AQR: variants seen among roughly 807,000 people sequenced by gnomAD.
AQR encodes the protein aquarius intron-binding spliceosomal factor.
In AQR, 61 loss-of-function variants were observed where a neutral mutation model predicts 180.5. The observed-to-expected ratio is 0.34, with a 90% CI of 0.28 to 0.42. The LOEUF is 0.42. AQR is among the 10% of genes least tolerant of loss of function. The pLI, the probability that AQR is intolerant of heterozygous loss-of-function variation, is 1.00. For missense variants in AQR, 1,281 were observed against 1,798.3 expected (o/e 0.71, Z 5.20); for synonymous variants, 551 against 588.8 (o/e 0.94, Z 0.93).
In AQR at chr15:34,963,416, C is replaced by T. The variant is rs370299637; in HGVS notation, c.132+818G>A. On this transcript the variant is annotated intron_variant, in intron 2 of 34. Transcript: ENST00000156471. ...AATTCCCTTATTGAATATTACTGGA[C>T]TTAAGTTATTACACTATACAACTGC... Among the ~76,000 whole-genome samples, 22 of 152,244 alleles carry T rather than the reference C, an allele frequency of 1.4e-4. No homozygotes were observed. In the East Asian group the frequency reaches 3.1e-3, roughly 21 times the overall value.
intron 34 of AQR, among the ~76,000 whole-genome samples, chr15:34,857,909 C>T (rs1286661201): frequency 1.3e-5 from 2 of 152,244 alleles, no homozygotes; most frequent in South Asian, 2.1e-4. Flanking sequence ...TGCCCTTTGC[C>T]CCATGGCAGT....
intron 13 of AQR, 44 bp from the exon 14 acceptor site, chr15:34,920,478 A>T (rs756000292): frequency 2.9e-5 from 41 of 1,415,550 alleles, no homozygotes; most frequent in Non-Finnish European, 3.8e-5. Flanking sequence ...AACTTACTTC[A>T]CTTCACTTTT....
chr15:34,883,047 C>T (rs1892999945), intron 26 of AQR, among the ~76,000 whole-genome samples: 1 of 152,076 alleles, frequency 6.6e-6, no homozygotes, highest in Admixed American at 6.5e-5. Flanking sequence ...TTAGAGACAG[C>T]AGCAGTCACT....
At chr15:34,968,674 CAG>C (rs2050326421) in intron 1 of AQR, among the ~76,000 whole-genome samples, 1 of 152,150 alleles carries the variant, frequency 6.6e-6, no homozygotes, top group Non-Finnish European at 1.5e-5. Context: ...GACAATATAA[CAG>C]ATTACGATAC....
At chr15:34,894,125 C>T (rs1342185968) in intron 22 of AQR, among the ~76,000 whole-genome samples, 1 of 151,642 alleles carries the variant, frequency 6.6e-6, no homozygotes, top group Non-Finnish European at 1.5e-5. Context: ...TGGCAAAAGA[C>T]ATAAATCTAC....
intron 29 of AQR, 117 bp downstream of exon 29, chr15:34,874,560 G>C: frequency 8.0e-7 from 1 of 1,251,288 alleles, no homozygotes; most frequent in South Asian, 1.4e-5. Flanking sequence ...TTTATGGATA[G>C]CCAAGTTCCT....
chr15:34,895,933 AAG>A (rs1231528381), intron 22 of AQR, among the ~76,000 whole-genome samples: 1 of 152,238 alleles, frequency 6.6e-6, no homozygotes, highest in Non-Finnish European at 1.5e-5. Flanking sequence ...AATAGTCACC[AAG>A]AGAGATCATA....
At chr15:34,955,770 G>A (rs541336654) in intron 3 of AQR, among the ~76,000 whole-genome samples, 2 of 151,982 alleles carry the variant, frequency 1.3e-5, no homozygotes, top group African/African-American at 2.4e-5. Context: ...TTAGCTAGGC[G>A]TGGTGGCGGG....
At chr15:34,938,379 C>T (rs142705769) in intron 9 of AQR, among the ~76,000 whole-genome samples, 68 of 151,988 alleles carry the variant, frequency 4.5e-4, no homozygotes, top group African/African-American at 1.5e-3. Flanking sequence ...ACCAAAAATA[C>T]AAAACTAACT....
At chr15:34,946,563 C>T (rs1206757264) in intron 5 of AQR, among the ~76,000 whole-genome samples, 3 of 145,022 alleles carry the variant, frequency 2.1e-5, no homozygotes, top group Non-Finnish European at 3.0e-5. Context: ...CCAGCCGCCC[C>T]GTCCGGGAGG....
chr15:34,874,163 A>G, intron 29 of AQR, 164 bp from the exon 30 acceptor site: 1 of 595,952 alleles, frequency 1.7e-6, no homozygotes, highest in South Asian at 4.4e-5. Context: ...TAGCTTCCCT[A>G]CTTCAAGTAA....
At chr15:34,924,693 A>G (rs1893731271) in intron 13 of AQR, among the ~76,000 whole-genome samples, 1 of 152,142 alleles carries the variant, frequency 6.6e-6, no homozygotes, top group Admixed American at 6.5e-5. Flanking sequence ...AGCCTCCCAA[A>G]GTGCTGGGGT....
intron 32 of AQR, 45 bp from the exon 33 acceptor site, chr15:34,863,086 A>G (rs772154946): frequency 6.5e-7 from 1 of 1,533,172 alleles, no homozygotes; most frequent in Non-Finnish European, 8.8e-7. Context: ...AAGATTATTA[A>G]CATTTAAGCA....
intron 13 of AQR, among the ~76,000 whole-genome samples, chr15:34,923,082 A>C (rs940840511): frequency 1.3e-5 from 2 of 152,204 alleles, no homozygotes; most frequent in African/African-American, 4.8e-5. Context: ...TAGTAGAATA[A>C]GATATCTTGA....
chr15:34,858,295 T>A (rs1353079312), intron 34 of AQR, among the ~76,000 whole-genome samples: 2 of 125,030 alleles, frequency 1.6e-5, no homozygotes, highest in East Asian at 4.5e-4. Flanking sequence ...TTAAGATTTT[T>A]AAAAAGTACC....
At chr15:34,892,631 C>G (rs1357101396) in intron 23 of AQR, among the ~76,000 whole-genome samples, 5 of 152,154 alleles carry the variant, frequency 3.3e-5, no homozygotes, top group Non-Finnish European at 7.3e-5. Context: ...GGGTTACATT[C>G]CAATAAATCT....
At chr15:34,864,074 C>T (rs1184698488) in intron 32 of AQR, among the ~76,000 whole-genome samples, 1 of 152,086 alleles carries the variant, frequency 6.6e-6, no homozygotes. Flanking sequence ...TTCAGAGAGA[C>T]AGAGAGAACC....
chr15:34,927,244 G>A (rs1893778699), intron 12 of AQR, 106 bp from the exon 13 acceptor site: 1 of 604,760 alleles, frequency 1.7e-6, no homozygotes, highest in African/African-American at 1.9e-5. Context: ...ACGCATTTCT[G>A]TCTCTTATAT....
At chr15:34,948,233 T>A (rs750955301) in intron 5 of AQR, 31 bp downstream of exon 5, 1 of 1,611,104 alleles carries the variant, frequency 6.2e-7, no homozygotes, top group African/African-American at 1.3e-5. Flanking sequence ...TGGGTCAGTA[T>A]GAAAGCTATG....
Sources: allele counts gnomAD v4.1 joint callset (sites outside exome capture counted in the v4.1 genomes callset), GRCh38; gene constraint gnomAD v4.1.1; transcripts MANE v1.5; gene names NCBI Gene and HGNC (gene_info 2026-07-23, HGNC 2026-07-21).